DIP2B: variants seen among roughly 807,000 people sequenced by gnomAD.
DIP2B encodes the protein disco-interacting protein 2 homolog B.
In DIP2B, 76 loss-of-function variants were observed where a neutral mutation model predicts 198.0. The ratio of observed to expected loss-of-function variants is 0.38; its 90% CI spans 0.32 to 0.46. DIP2B has a LOEUF of 0.46. DIP2B is among the 20% of genes least tolerant of loss of function. The pLI is 0.99. For synonymous variants in DIP2B, 701 were observed against 739.1 expected (o/e 0.95, Z 0.84); for missense variants, 1,559 against 1,978.4 (o/e 0.79, Z 4.02).
intron 1 of DIP2B, among the ~76,000 whole-genome samples, chr12:50,603,163 CA>C (rs749993395): frequency 0.021 from 2,658 of 124,352 alleles, 72 homozygotes; most frequent in African/African-American, 0.071. Context: ...GACTCTGTCT[CA>C]AAAAAAAAAA....
intron 1 of DIP2B, among the ~76,000 whole-genome samples, chr12:50,546,361 AG>A (rs1434300738): frequency 1.3e-5 from 2 of 152,204 alleles, no homozygotes; most frequent in African/African-American, 2.4e-5. Flanking sequence ...CTTTTATTTT[AG>A]GTTCAGGGGG....
At chr12:50,684,441 G>C (rs1229917451) in intron 10 of DIP2B, among the ~76,000 whole-genome samples, 1 of 152,188 alleles carries the variant, frequency 6.6e-6, no homozygotes, top group Non-Finnish European at 1.5e-5. Flanking sequence ...ATTTTGTCAT[G>C]CAGTTTATTT....
At chr12:50,597,496 A>G (rs1276892726) in intron 1 of DIP2B, among the ~76,000 whole-genome samples, 1 of 152,230 alleles carries the variant, frequency 6.6e-6, no homozygotes, top group Admixed American at 6.5e-5. Flanking sequence ...TTACCTTAAT[A>G]TAGCACCATT....
intron 2 of DIP2B, among the ~76,000 whole-genome samples, chr12:50,631,480 C>A (rs190393658): frequency 1.3e-5 from 2 of 152,212 alleles, no homozygotes. Context: ...CTGCCTCGGC[C>A]TCCCAAAGAG....
At chr12:50,566,363 TA>T (rs1958562946) in intron 1 of DIP2B, among the ~76,000 whole-genome samples, 1 of 152,196 alleles carries the variant, frequency 6.6e-6, no homozygotes, top group Non-Finnish European at 1.5e-5. Context: ...TCTTGGCATT[TA>T]AAAAATATTG....
chr12:50,640,391 C>T (rs1042596694), intron 2 of DIP2B, among the ~76,000 whole-genome samples: 21 of 152,042 alleles, frequency 1.4e-4, no homozygotes, highest in Non-Finnish European at 2.8e-4. Flanking sequence ...CCAAGCTATT[C>T]GTTGTCTCAC....
At chr12:50,715,043 G>A (rs1305665672) in intron 23 of DIP2B, among the ~76,000 whole-genome samples, 2 of 152,206 alleles carry the variant, frequency 1.3e-5, no homozygotes, top group Admixed American at 1.3e-4. Flanking sequence ...GTGTTTGTTA[G>A]GACTAGTCTT....
chr12:50,716,964 T>TTTTTC (rs1939734837), intron 23 of DIP2B, among the ~76,000 whole-genome samples: 1 of 124,538 alleles, frequency 8.0e-6, no homozygotes, highest in Admixed American at 8.3e-5. Flanking sequence ...GTTGCTTTTT[T>TTTTTC]TTTTTTTTTT....
chr12:50,640,120 G>T (rs1246740487), intron 2 of DIP2B, among the ~76,000 whole-genome samples: 1 of 152,078 alleles, frequency 6.6e-6, no homozygotes, highest in Non-Finnish European at 1.5e-5. Context: ...TTAAGAAACA[G>T]ATTTGGAATT....
intron 4 of DIP2B, among the ~76,000 whole-genome samples, chr12:50,668,484 G>A (rs1938794395): frequency 6.6e-6 from 1 of 152,142 alleles, no homozygotes; most frequent in Non-Finnish European, 1.5e-5. Context: ...CTGAAGACTG[G>A]CAGACAAACA....
chr12:50,662,979 C>T (rs1205646742), intron 4 of DIP2B, among the ~76,000 whole-genome samples: 3 of 152,020 alleles, frequency 2.0e-5, no homozygotes, highest in Non-Finnish European at 4.4e-5. Context: ...TGTGGTGGTG[C>T]GTTCCTATAG....
At chr12:50,596,388 A>T (rs1459300942) in intron 1 of DIP2B, among the ~76,000 whole-genome samples, 1 of 152,204 alleles carries the variant, frequency 6.6e-6, no homozygotes, top group Non-Finnish European at 1.5e-5. Context: ...GGTCGTTAAT[A>T]TCCATAGCCA....
chr12:50,621,564 A>G (rs1021753921), intron 1 of DIP2B, among the ~76,000 whole-genome samples: 2 of 152,242 alleles, frequency 1.3e-5, no homozygotes, highest in South Asian at 4.1e-4. Context: ...GGTGGGCTAC[A>G]GTGATAAACA....
Position 50,539,019 on chromosome 12 carries a change from A to G in DIP2B, c.100+33779A>G, listed in dbSNP as rs7963175. ...ACTTGGAATAGTTACTGTTTTTAAT[A>G]TGGGATGCATGCGTGTTGAGCTTTA... is the stretch of plus-strand genomic sequence containing the variant. On this transcript the variant is annotated intron_variant, in intron 1 of 37. Coordinates refer to ENST00000301180, the MANE Select transcript of DIP2B (RefSeq NM_173602.3). Among the ~76,000 whole-genome samples the G allele has an allele frequency of 7.1e-3, 1,085 of 152,262 alleles. 17 individuals carry two copies. The highest frequency in any genetic ancestry group is 0.025 in the African/African-American group (1,042 of 41,544).
chr12:50,715,420 G>A (rs529446862), intron 23 of DIP2B, among the ~76,000 whole-genome samples: 2 of 152,272 alleles, frequency 1.3e-5, no homozygotes, highest in African/African-American at 2.4e-5. Flanking sequence ...TACCTGGGCC[G>A]TATTTTTTTC....
intron 23 of DIP2B, among the ~76,000 whole-genome samples, chr12:50,718,364 G>C (rs1939772544): frequency 6.6e-6 from 1 of 152,118 alleles, no homozygotes; most frequent in Non-Finnish European, 1.5e-5. Context: ...TGTGCAACCA[G>C]CTATCACCTC....
intron 6 of DIP2B, 46 bp downstream of exon 6, chr12:50,674,675 A>G: frequency 6.2e-7 from 1 of 1,605,018 alleles, no homozygotes. Context: ...AAACTAAACT[A>G]GAAAAATTCA....
chr12:50,712,889 C>G (rs1394462670), intron 22 of DIP2B, among the ~76,000 whole-genome samples: 2 of 152,012 alleles, frequency 1.3e-5, no homozygotes, highest in Non-Finnish European at 2.9e-5. Flanking sequence ...GCTTGGGTGA[C>G]AATGCAAGAC....
At chr12:50,660,345 C>CT (rs2139511485) in intron 4 of DIP2B, 26 bp downstream of exon 4, 1 of 1,587,694 alleles carries the variant, frequency 6.3e-7, no homozygotes, top group South Asian at 1.2e-5. Context: ...CTTTTTCTCT[C>CT]TGACAGTTAA....
Sources: gnomAD v4.1 joint callset for allele counts (sites outside exome capture counted in the v4.1 genomes callset) on GRCh38, gnomAD v4.1.1 for gene constraint, MANE v1.5 for transcripts, NCBI Gene and HGNC (gene_info 2026-07-23, HGNC 2026-07-21) for gene names.